The following ITPR1 variants were observed in gnomAD, a reference collection of about 807,000 sequenced individuals.
The protein encoded by ITPR1 is inositol 1,4,5-trisphosphate-gated calcium channel ITPR1.
Under a neutral mutation model 318.4 loss-of-function variants are expected in ITPR1, and 96 were observed. The ratio of observed to expected loss-of-function variants is 0.30; its 90% confidence interval spans 0.26 to 0.36. The LOEUF (loss-of-function observed/expected upper bound fraction) is 0.36, where lower values mean the gene tolerates loss of function less well. Among genes scored for constraint, ITPR1 ranks in the 10% least tolerant of loss-of-function variants. The pLI, the probability that ITPR1 is intolerant of heterozygous loss-of-function variation, is 1.00. For missense variants in ITPR1, 2,440 were observed against 3,460.2 expected, an observed-to-expected ratio of 0.71 and a Z score of 7.40; for synonymous variants, 1,312 against 1,289.9, an observed-to-expected ratio of 1.02 and a Z score of -0.37.
intron 29 of ITPR1, 62 bp downstream of exon 29, chr3:4,684,408 T>C (rs1013285051): frequency 8.3e-7 from 1 of 1,210,716 alleles, no homozygotes; most frequent in Non-Finnish European, 1.2e-6. Context: ...AGCTTTAGTT[T>C]GTGATAGTCA....
intron 44 of ITPR1, among the ~76,000 whole-genome samples, chr3:4,744,901 CTT>C (rs1314631061): frequency 3.4e-3 from 28 of 8,196 alleles, no homozygotes; most frequent in East Asian, 0.059. Context: ...TCCCTCCCTC[CTT>C]CCTTCCTTCC....
At chr3:4,678,889 A>C (rs2094240659) in intron 24 of ITPR1, among the ~76,000 whole-genome samples, 1 of 152,184 alleles carries the variant, frequency 6.6e-6, no homozygotes, top group Non-Finnish European at 1.5e-5. Flanking sequence ...GAGTTTGGAA[A>C]GGAGGACCAA....
chr3:4,814,227 G>T, intron 57 of ITPR1, 196 bp from the exon 58 acceptor site: 1 of 607,154 alleles, frequency 1.6e-6, no homozygotes, highest in Non-Finnish European at 3.0e-6. Flanking sequence ...AGAAATTAGC[G>T]GGGGTTAGCG....
intron 54 of ITPR1, among the ~76,000 whole-genome samples, chr3:4,802,363 T>G (rs143641442): frequency 3.3e-5 from 5 of 152,332 alleles, no homozygotes; most frequent in African/African-American, 1.2e-4. Context: ...TACAAAGAAG[T>G]ATTCTTGAGA....
chr3:4,590,015 G>T (rs982144103), intron 4 of ITPR1, among the ~76,000 whole-genome samples: 2 of 151,978 alleles, frequency 1.3e-5, no homozygotes, highest in African/African-American at 4.8e-5. Flanking sequence ...TGTGCTTAAT[G>T]TTCCTCCTGC....
chr3:4,810,301 A>G (rs577650561), intron 55 of ITPR1, among the ~76,000 whole-genome samples: 1 of 152,334 alleles, frequency 6.6e-6, no homozygotes, highest in African/African-American at 2.4e-5. Flanking sequence ...GTCTAAGAGT[A>G]ACTTCAGAGA....
In ITPR1 at chr3:4,847,325, A is replaced by T. The variant is rs1036283981; in HGVS notation, c.*1100A>T. ...TTTCTTTTCTTGATGGATGAAAAATATGAAAGGAAACTTTTATATCTGTTG... is the reference window on the plus strand; with the variant it reads ...TTTCTTTTCTTGATGGATGAAAAATTTGAAAGGAAACTTTTATATCTGTTG... On this transcript the variant is annotated 3_prime_UTR_variant, in exon 62 of 62. Coordinates refer to ENST00000649015, the MANE Select transcript of ITPR1 (RefSeq NM_001378452.1). The T allele has an allele frequency of 7.9e-5, 12 of 152,202 alleles. No individual in the cohort carries two copies. Among genetic ancestry groups the T allele is most frequent in the Non-Finnish European group, 1.6e-4 (11 of 67,954 alleles). 9.4% of individuals were successfully genotyped at this position (152,202 alleles called of 1,614,324 possible).
At chr3:4,642,791 C>A (rs1575857420) in intron 7 of ITPR1, among the ~76,000 whole-genome samples, 1 of 152,136 alleles carries the variant, frequency 6.6e-6, no homozygotes, top group South Asian at 2.1e-4. Flanking sequence ...CACAGGAAGG[C>A]TTTTCAGGGA....
chr3:4,807,916 C>T (rs1009492878), intron 55 of ITPR1, among the ~76,000 whole-genome samples: 1 of 152,224 alleles, frequency 6.6e-6, no homozygotes, highest in Non-Finnish European at 1.5e-5. Context: ...CTCTCTCATC[C>T]CTGCCAAGGG....
chr3:4,789,808 T>C (rs4684444), intron 52 of ITPR1, among the ~76,000 whole-genome samples: 142,252 of 152,130 alleles, frequency 0.94, 66,788 homozygotes, highest in East Asian at 1. Flanking sequence ...GTAATAGAGA[T>C]GGGGCTTCAC....
At chr3:4,830,836 C>T (rs2050429101) in intron 60 of ITPR1, 1 of 435,436 alleles carries the variant, frequency 2.3e-6, no homozygotes, top group Non-Finnish European at 4.6e-6. Flanking sequence ...CCCCATGACC[C>T]TTTCTTTTGC....
At chr3:4,822,457 C>T (rs896039786) in intron 60 of ITPR1, among the ~76,000 whole-genome samples, 1 of 152,176 alleles carries the variant, frequency 6.6e-6, no homozygotes, top group Non-Finnish European at 1.5e-5. Flanking sequence ...CTTTAAGTGT[C>T]CTTCAAAGTT....
rs2094133243 is a variant in ITPR1, at chr3:4,673,743, CG to C, written c.2456+358del. ...GACTACAGACGCCCACCACCACGCCCGGCTAATTTTTTGTATTTTTAGTAGG... is the reference window on the plus strand; with the variant it reads ...GACTACAGACGCCCACCACCACGCCCGCTAATTTTTTGTATTTTTAGTAGG... On this transcript the variant is annotated intron_variant, in intron 21 of 61. Coordinates refer to ENST00000649015, the MANE Select transcript of ITPR1 (RefSeq NM_001378452.1). 3.9e-5 allele frequency among the ~76,000 whole-genome samples: 6 copies of C among 152,184 alleles called. No individual in the cohort carries two copies. In the South Asian group the frequency reaches 1.2e-3, roughly 32 times the overall value.
chr3:4,723,529 T>C (rs1375067647), intron 40 of ITPR1, among the ~76,000 whole-genome samples: 1 of 152,022 alleles, frequency 6.6e-6, no homozygotes, highest in African/African-American at 2.4e-5. Flanking sequence ...GGAAATAGTG[T>C]GTCAGTACAA....
chr3:4,834,395 T>C (rs760764209), intron 60 of ITPR1, among the ~76,000 whole-genome samples: 1 of 152,180 alleles, frequency 6.6e-6, no homozygotes, highest in African/African-American at 2.4e-5. Context: ...TTTTCTTCAA[T>C]TTGTTTTCCT....
chr3:4,691,090 G>A (rs1263965750), intron 31 of ITPR1, 54 bp from the exon 32 acceptor site: 2 of 1,274,766 alleles, frequency 1.6e-6, no homozygotes, highest in Non-Finnish European at 2.2e-6. Context: ...TTTTTAATCT[G>A]TTCTGTCAGC....
chr3:4,547,946 ATAGCTACAGGAT>A (rs2085186912), intron 4 of ITPR1, among the ~76,000 whole-genome samples: 1 of 152,144 alleles, frequency 6.6e-6, no homozygotes, highest in East Asian at 1.9e-4. Context: ...CTTACGAAGC[ATAGCTACAGGAT>A]TGGCTCAGTC....
In ITPR1 at chr3:4,655,873, C is replaced by T. The variant is rs116423521; in HGVS notation, c.996+1987C>T. 5.1e-3 allele frequency among the ~76,000 whole-genome samples: 780 copies of T among 152,310 alleles called. 5 individuals are homozygous for T. Among genetic ancestry groups the T allele is most frequent in the Middle Eastern group, 0.027 (8 of 294 alleles). On this transcript the variant is annotated intron_variant, in intron 12 of 61. Coordinates refer to ENST00000649015, the MANE Select transcript of ITPR1 (RefSeq NM_001378452.1). ...CCCGACGCCCACACGGCCAACAGCA[C>T]AGATCTGCCCGGTGGCAAGGTGTTA...
chr3:4,668,524 GT>G (rs1035969624), intron 18 of ITPR1, among the ~76,000 whole-genome samples: 66 of 151,918 alleles, frequency 4.3e-4, no homozygotes, highest in African/African-American at 1.5e-3. Flanking sequence ...CTGGAGGGCA[GT>G]GGCGAGATCT....
Sources: gnomAD v4.1 joint callset for allele counts (sites outside exome capture counted in the v4.1 genomes callset) on GRCh38, gnomAD v4.1.1 for gene constraint, MANE v1.5 for transcripts, NCBI Gene and HGNC (gene_info 2026-07-23, HGNC 2026-07-21) for gene names.